The following PRKAG2 variants were observed in gnomAD, a reference collection of about 807,000 sequenced individuals.
The protein encoded by PRKAG2 is protein kinase AMP-activated non-catalytic subunit gamma 2.
Under a neutral mutation model 69.6 loss-of-function variants are expected in PRKAG2, and 26 were observed. The ratio of observed to expected loss-of-function variants is 0.37; its 90% CI spans 0.27 to 0.52. The LOEUF (loss-of-function observed/expected upper bound fraction) is 0.52, where lower values mean the gene tolerates loss of function less well. Among genes scored for constraint, PRKAG2 ranks in the 20% least tolerant of loss-of-function variants. The pLI is 0.90. For missense variants in PRKAG2, 557 were observed against 740.0 expected (o/e 0.75, Z 2.87); for synonymous variants, 293 against 285.0 (o/e 1.03, Z -0.28).
intron 4 of PRKAG2, 41 bp downstream of exon 4, chr7:151,675,379 T>C: frequency 6.3e-7 from 1 of 1,580,546 alleles, no homozygotes; most frequent in South Asian, 1.1e-5. Flanking sequence ...GCCCTCCCTC[T>C]GCCACCCGGC....
In PRKAG2 at chr7:151,817,844, C is replaced by T. The variant is rs143749589; in HGVS notation, c.115-31303G>A. On this transcript the variant is annotated intron_variant, in intron 1 of 15. Coordinates refer to ENST00000287878, the MANE Select transcript of PRKAG2 (RefSeq NM_016203.4). ...AGGATTCGATCAAAGTGATGTTCCC[C>T]TCCCCAGCCTGGCTCCGTACAGCAC... Among the ~76,000 whole-genome samples the T allele has an allele frequency of 4.1e-3, 627 of 152,322 alleles. 6 individuals carry two copies. The highest frequency in any genetic ancestry group is 0.014 in the African/African-American group (602 of 41,556).
At chr7:151,617,883 T>C (rs995970806) in intron 5 of PRKAG2, among the ~76,000 whole-genome samples, 2 of 152,248 alleles carry the variant, frequency 1.3e-5, no homozygotes, top group African/African-American at 4.8e-5. Flanking sequence ...GTATCTTTTA[T>C]ACTTTATTCT....
chr7:151,654,146 T>C (rs6964824), intron 4 of PRKAG2, among the ~76,000 whole-genome samples: 46,780 of 152,042 alleles, frequency 0.31, 7,252 homozygotes, highest in Middle Eastern at 0.39. Flanking sequence ...GAAATAGTCA[T>C]ACAGTGTTCA....
intron 4 of PRKAG2, among the ~76,000 whole-genome samples, chr7:151,646,909 A>G (rs1394455314): frequency 6.6e-6 from 1 of 152,226 alleles, no homozygotes; most frequent in East Asian, 1.9e-4. Flanking sequence ...GCGGGTACTC[A>G]TGGCTGCCTA....
At chr7:151,832,278 A>AGGGGG in intron 1 of PRKAG2, among the ~76,000 whole-genome samples, 1 of 70,534 alleles carries the variant, frequency 1.4e-5, no homozygotes, top group African/African-American at 4.4e-5. Context: ...GGAGGAGGGA[A>AGGGGG]GGAAGGGAGG....
At chr7:151,584,930 GA>G (rs988483108) in intron 6 of PRKAG2, among the ~76,000 whole-genome samples, 2 of 152,040 alleles carry the variant, frequency 1.3e-5, no homozygotes, top group Non-Finnish European at 1.5e-5. Flanking sequence ...TTCTAAAAAA[GA>G]AACAACGCAA....
At chr7:151,843,885 G>A (rs996663400) in intron 1 of PRKAG2, among the ~76,000 whole-genome samples, 23 of 152,216 alleles carry the variant, frequency 1.5e-4, no homozygotes, top group African/African-American at 5.3e-4. Flanking sequence ...AGGCTCCATC[G>A]TCCTCAGAGC....
At chr7:151,805,902 A>T (rs2078075991) in intron 1 of PRKAG2, among the ~76,000 whole-genome samples, 1 of 152,238 alleles carries the variant, frequency 6.6e-6, no homozygotes, top group Non-Finnish European at 1.5e-5. Flanking sequence ...ATCCTTGGTG[A>T]CAAAGTTTAG....
intron 3 of PRKAG2, among the ~76,000 whole-genome samples, chr7:151,696,500 C>T (rs895159336): frequency 2.4e-4 from 36 of 152,184 alleles, no homozygotes; most frequent in Middle Eastern, 6.8e-3. Context: ...CCAGGCCTGC[C>T]GGCGCCTCAG....
At chr7:151,876,230 C>G (rs993233713) in intron 1 of PRKAG2, among the ~76,000 whole-genome samples, 179 of 152,184 alleles carry the variant, frequency 1.2e-3, no homozygotes, top group Non-Finnish European at 2.8e-4. Context: ...GCCCAGCCGC[C>G]CACCCGCCGC....
chr7:151,650,441 C>T (rs1441948834), intron 4 of PRKAG2, among the ~76,000 whole-genome samples: 4 of 152,096 alleles, frequency 2.6e-5, no homozygotes, highest in Non-Finnish European at 5.9e-5. Flanking sequence ...GGGTTATGGT[C>T]CTAAATCCTA....
intron 15 of PRKAG2, chr7:151,558,069 T>C: frequency 1.0e-6 from 1 of 985,124 alleles, no homozygotes; most frequent in Non-Finnish European, 1.2e-6. Flanking sequence ...GGCAATCTAT[T>C]AGAGCGTGTG....
intron 3 of PRKAG2, among the ~76,000 whole-genome samples, chr7:151,744,457 G>A (rs1445804671): frequency 6.6e-6 from 1 of 152,204 alleles, no homozygotes; most frequent in Non-Finnish European, 1.5e-5. Flanking sequence ...AGAGCCGAGG[G>A]CGTCATCAGG....
chr7:151,588,748 C>T (rs940098601), intron 6 of PRKAG2, among the ~76,000 whole-genome samples: 1 of 152,216 alleles, frequency 6.6e-6, no homozygotes, highest in African/African-American at 2.4e-5. Flanking sequence ...TTCTCCTTGC[C>T]TTCCACCATG....
chr7:151,622,749 T>C (rs566433424), intron 5 of PRKAG2, among the ~76,000 whole-genome samples: 2 of 152,322 alleles, frequency 1.3e-5, no homozygotes, highest in Admixed American at 6.5e-5. Flanking sequence ...GCCAACTATA[T>C]GTGGCATACA....
rs922005353 is a variant in PRKAG2, at chr7:151,567,882, G to C, written c.1233+834C>G. Among the ~76,000 whole-genome samples the C allele has an allele frequency of 6.6e-6, 1 of 152,224 alleles. No individual in the cohort carries two copies. The highest frequency in any genetic ancestry group is 2.4e-5 in the African/African-American group (1 of 41,448). ...CCTTCACACTGCACCGGAACGCTAT[G>C]TTAGGTCCTTAGGTGAAGCCATGGG... On this transcript the variant is annotated intron_variant, in intron 11 of 15. Transcript: ENST00000287878. The surrounding 1 kb of genome is among the most constrained non-coding windows in gnomAD (Gnocchi z 4.2).
chr7:151,615,029 C>T (rs983399066), intron 5 of PRKAG2, among the ~76,000 whole-genome samples: 1 of 151,912 alleles, frequency 6.6e-6, no homozygotes, highest in African/African-American at 2.4e-5. Context: ...AGACAGAAGC[C>T]GTGTGGATCC....
chr7:151,686,105 T>C (rs2151510454), intron 3 of PRKAG2, among the ~76,000 whole-genome samples: 1 of 152,116 alleles, frequency 6.6e-6, no homozygotes, highest in South Asian at 2.1e-4. Flanking sequence ...GTTAGGATGC[T>C]TCTCAGGCTT....
intron 3 of PRKAG2, among the ~76,000 whole-genome samples, chr7:151,716,062 T>TG (rs1796136823): frequency 6.6e-6 from 1 of 152,176 alleles, no homozygotes; most frequent in South Asian, 2.1e-4. Flanking sequence ...GTTTGTAGTC[T>TG]GGGGTTGAGC....
Sources: gnomAD v4.1 joint callset for allele counts (sites outside exome capture counted in the v4.1 genomes callset) on GRCh38, gnomAD v4.1.1 for gene constraint, Gnocchi (gnomAD v3.1) non-coding constraint, MANE v1.5 for transcripts, NCBI Gene and HGNC (gene_info 2026-07-23, HGNC 2026-07-21) for gene names.